Variants in SNX20 observed in about 807,000 individuals in gnomAD.
SNX20 encodes the protein sorting nexin 20.
SNX20 carries 21 observed loss-of-function variants against 24.5 expected under a neutral mutation model. The observed-to-expected ratio is 0.86, with a 90% CI of 0.61 to 1.23. SNX20 has a LOEUF of 1.23. Among genes scored for constraint, SNX20 ranks in the 50% most tolerant of loss-of-function variants. SNX20 has a pLI of 0.00. For missense variants in SNX20, 433 were observed against 430.8 expected, an observed-to-expected ratio of 1.00 and a Z score of -0.04; for synonymous variants, 206 against 192.8, an observed-to-expected ratio of 1.07 and a Z score of -0.57.
downstream of SNX20, chr16:50,668,433 G>A: frequency 1.3e-6 from 1 of 793,112 alleles, no homozygotes; most frequent in East Asian, 6.4e-5. Context: ...TGTAATAACA[G>A]TGATCGGTTT....
At position 50,674,202 on chromosome 16, in the gene SNX20, ATTGTTTGT is replaced by A. The variant is rs537431215; in HGVS notation, c.283-136_283-129del. ...TGAAAACGGGCGATCCTTATATGCA[ATTGTTTGT>A]TTGTTTGTTTGTTTGTTTGTTTATT... On this transcript the variant is annotated intron_variant, in intron 3 of 3. Coordinates refer to ENST00000330943, the MANE Select transcript of SNX20 (RefSeq NM_182854.4). 1.2e-3 allele frequency: 1,294 copies of A among 1,066,738 alleles called. 4 individuals carry two copies. The highest frequency in any genetic ancestry group is 5.1e-3 in the East Asian group (156 of 30,796). The allele number at this position is 1,066,738 out of a possible 1,614,324, so 66.1% of individuals were successfully genotyped here.
downstream of SNX20, chr16:50,669,331 C>T: frequency 3.5e-6 from 2 of 566,598 alleles, no homozygotes; most frequent in Non-Finnish European, 6.3e-6. Context: ...GAAGCTTCCA[C>T]TTATGGTGGA....
intron 3 of SNX20, among the ~76,000 whole-genome samples, chr16:50,674,628 G>A (rs1168564073): frequency 6.6e-6 from 1 of 152,212 alleles, no homozygotes; most frequent in Non-Finnish European, 1.5e-5. Flanking sequence ...CATCTGGGAG[G>A]AGAAAGGGCA....
chr16:50,667,122 T>C (rs935452141), downstream of SNX20: 4 of 152,222 alleles, frequency 2.6e-5, no homozygotes, highest in African/African-American at 9.7e-5. Context: ...CCAGCTCATT[T>C]CCTTTGCAAT....
In SNX20 at chr16:50,673,646, G is replaced by GT. The variant is rs1417230350; in HGVS notation, c.710dup (p.His237GlnfsTer127). On this transcript the variant is annotated frameshift_variant, in exon 4 of 4. Transcript: ENST00000330943. LOFTEE classifies it high-confidence loss of function. This position sits in a 1 kb window ranked among gnomAD's most constrained non-coding sequence, Gnocchi z 4.1. The stretch of plus-strand genomic sequence containing the variant: ...CCTCGGCGGGGCGGTCGAGGTCGCG[G>GT]TGGCACAGCAGCACGGCGCACAGGG... 7.2e-6 allele frequency: 11 copies of GT among 1,529,078 alleles called. No individual in the cohort carries two copies. The highest frequency in any genetic ancestry group is 9.6e-6 in the Non-Finnish European group (11 of 1,148,080). The allele number at this position is 1,529,078 out of a possible 1,614,324, so 94.7% of individuals were successfully genotyped here. A position where few individuals can be genotyped will look rare whatever the true frequency, so the allele number is the denominator to read the frequency against.
chr16:50,675,920 G>T lies in SNX20; in HGVS notation c.132C>A (p.Asp44Glu). Residue 44 changes from aspartate to glutamate, a missense_variant and splice_region_variant, in exon 3 of 4, where the codon GAC (aspartate) becomes GAA (glutamate). Asp to Glu is a conservative substitution (Grantham distance 45). Coordinates refer to ENST00000330943, the MANE Select transcript of SNX20 (RefSeq NM_182854.4). ...AGTTGGAGCTCAGGCCACTGTGTGT[G>T]TCTGGAAGGACAACACCCTTAAGGA... Reference protein sequence around the residue: ...LPHPGPDGHLDTHSGLSSNSS... With the variant: ...LPHPGPDGHLETHSGLSSNSS... The T allele has an allele frequency of 6.2e-7, 1 of 1,603,062 alleles. No individual in the cohort carries two copies.
At chr16:50,678,019 C>T (rs944079403) in intron 1 of SNX20, among the ~76,000 whole-genome samples, 3 of 151,944 alleles carry the variant, frequency 2.0e-5, no homozygotes, top group East Asian at 1.9e-4. Context: ...CCAGCCTGGC[C>T]AATGTAGTGA....
chr16:50,667,658 G>T, downstream of SNX20: 1 of 308,322 alleles, frequency 3.2e-6, no homozygotes, highest in Non-Finnish European at 6.2e-6. Flanking sequence ...ACACCAACAC[G>T]CTGGGGACAT....
intron 2 of SNX20, 41 bp from the exon 3 acceptor site, chr16:50,675,962 G>T: frequency 6.4e-7 from 1 of 1,554,050 alleles, no homozygotes; most frequent in Non-Finnish European, 8.6e-7. Flanking sequence ...CCCTGTCAGT[G>T]CACTTCCGAG....
At chr16:50,669,170 A>T, downstream of SNX20, 10 of 1,072,532 alleles carry the variant, frequency 9.3e-6, no homozygotes, top group Non-Finnish European at 1.4e-5. Context: ...GGTGAGTGAA[A>T]TGATCTTTAA....
downstream of SNX20, chr16:50,666,908 A>G (rs1962927949): frequency 6.6e-6 from 1 of 152,322 alleles, no homozygotes; most frequent in Non-Finnish European, 1.5e-5. Context: ...ACAGTGGAGG[A>G]AAGCAGAACT....
chr16:50,667,729 T>C (rs972020210), downstream of SNX20: 13 of 451,364 alleles, frequency 2.9e-5, no homozygotes, highest in Non-Finnish European at 4.4e-5. Context: ...CAAAACAGAG[T>C]TCTAGCTATG....
At chr16:50,669,209 T>A, downstream of SNX20, 1 of 799,486 alleles carries the variant, frequency 1.3e-6, no homozygotes, top group Non-Finnish European at 2.2e-6. Flanking sequence ...TGCATTGCTA[T>A]AAAGGAATAC....
chr16:50,675,986 G>A (rs1195629352), intron 2 of SNX20, 65 bp from the exon 3 acceptor site: 49 of 1,501,552 alleles, frequency 3.3e-5, no homozygotes, highest in East Asian at 2.8e-4. Context: ...TGGGCTTGGG[G>A]AGATGGCTGG....
Position 50,676,186 on chromosome 16 carries a change from C to T in SNX20, c.131-265G>A, listed in dbSNP as rs988102511. 1.2e-4 allele frequency among the ~76,000 whole-genome samples: 18 copies of T among 151,850 alleles called. No homozygotes were observed. The East Asian group carries it at 2.7e-3, about 23-fold the overall frequency. Reference sequence around the variant, plus strand: ...GGTTTCACAGCTTTGGAATGCGGTGCGGGCACTTTGCATCGTCCACTTCTG... The same window carrying T: ...GGTTTCACAGCTTTGGAATGCGGTGTGGGCACTTTGCATCGTCCACTTCTG... On this transcript the variant is annotated intron_variant, in intron 2 of 3. Coordinates refer to ENST00000330943, the MANE Select transcript of SNX20 (RefSeq NM_182854.4).
At chr16:50,666,958 G>C (rs190212185), downstream of SNX20, 1 of 36,110 alleles carries the variant, frequency 2.8e-5, no homozygotes, top group Non-Finnish European at 5.2e-5. Flanking sequence ...GAGAGAGAGA[G>C]ATATGAGGTG....
chr16:50,673,304 A>C lies in SNX20; in HGVS notation c.*102T>G. ...TGACAGAGCAAGACTGTCTCAAATA[A>C]CAAAAAAGAAAAGGAAAAATAAAAA... On this transcript the variant is annotated 3_prime_UTR_variant, in exon 4 of 4. Coordinates refer to ENST00000330943, the MANE Select transcript of SNX20 (RefSeq NM_182854.4). This position sits in a 1 kb window ranked among gnomAD's most constrained non-coding sequence, Gnocchi z 4.1. 1 of 1,398,970 alleles carries C rather than the reference A, an allele frequency of 7.1e-7. No individual in the cohort carries two copies. 86.7% of individuals were successfully genotyped at this position (1,398,970 alleles called of 1,614,324 possible).
At chr16:50,679,402 G>A (rs1438981507) in intron 1 of SNX20, among the ~76,000 whole-genome samples, 1 of 152,214 alleles carries the variant, frequency 6.6e-6, no homozygotes, top group East Asian at 1.9e-4. Flanking sequence ...TGCTTGCTGT[G>A]TCGGGTGAAA....
At position 50,675,795 on chromosome 16, in the gene SNX20, T is replaced by C. The variant is rs763492085; in HGVS notation, c.257A>G (p.Glu86Gly). The change falls in exon 3 of 4, where the codon GAG becomes GGG. Residue 86 changes from glutamate to glycine, a missense_variant. Transcript: ENST00000330943. The stretch of plus-strand genomic sequence containing the variant: ...CACAAACTTAGAGACTTTTCTCTCC[T>C]CGATGCGAGCTGAAGCGATCTCAAA... ...LLFEIASARI[E>G]ERKVSKFVVY... is the part of the protein sequence containing the mutation. The C allele has an allele frequency of 6.2e-6, 10 of 1,613,448 alleles. No homozygotes were observed. The East Asian group carries it at 6.7e-5, about 11-fold the overall frequency.
Sources: allele counts gnomAD v4.1 joint callset (sites outside exome capture counted in the v4.1 genomes callset), GRCh38; gene constraint gnomAD v4.1.1; non-coding constraint Gnocchi (gnomAD v3.1); transcripts MANE v1.5; gene names NCBI Gene and HGNC (gene_info 2026-07-23, HGNC 2026-07-21).